BNIPL: variants seen among roughly 807,000 people sequenced by gnomAD.
The protein encoded by BNIPL is BCL2 interacting protein like.
In BNIPL, 33 loss-of-function variants were observed where a neutral mutation model predicts 47.0. That is an observed-to-expected ratio of 0.70 (90% CI 0.53 to 0.94). The LOEUF (loss-of-function observed/expected upper bound fraction) is 0.94, where lower values mean the gene tolerates loss of function less well. BNIPL is among the 40% of genes least tolerant of loss of function. BNIPL has a pLI of 0.00. For synonymous variants in BNIPL, 145 were observed against 162.7 expected, an observed-to-expected ratio of 0.89 and a Z score of 0.83; for missense variants, 404 against 445.2, an observed-to-expected ratio of 0.91 and a Z score of 0.83.
chr1:151,037,825 A>G (rs1295634956), intron 2 of BNIPL, among the ~76,000 whole-genome samples, 163 bp downstream of exon 2: 1 of 151,498 alleles, frequency 6.6e-6, no homozygotes, highest in African/African-American at 2.4e-5. Context: ...ACACGGTGAA[A>G]TCCCGTCTCT....
At chr1:151,045,771 T>C (rs1675998772) in intron 7 of BNIPL, 26 bp from the exon 8 acceptor site, 1 of 1,613,660 alleles carries the variant, frequency 6.2e-7, no homozygotes, top group Non-Finnish European at 8.5e-7. Context: ...GAAGAAGAAA[T>C]AGGATGATCT....
intron 4 of BNIPL, 102 bp from the exon 5 acceptor site, chr1:151,042,854 G>T: frequency 5.3e-6 from 5 of 942,962 alleles, no homozygotes; most frequent in South Asian, 4.0e-5. Context: ...AAAAAATTGA[G>T]TAATGACAGA....
At chr1:151,036,801 G>A (rs756735251) in intron 1 of BNIPL, 35 bp downstream of exon 1, 7 of 1,577,958 alleles carry the variant, frequency 4.4e-6, no homozygotes, top group Non-Finnish European at 6.1e-6. Flanking sequence ...ATTGGTAACA[G>A]TGAATAAACA....
At chr1:151,044,258 T>A (rs933176469) in intron 7 of BNIPL, among the ~76,000 whole-genome samples, 1 of 152,216 alleles carries the variant, frequency 6.6e-6, no homozygotes, top group Non-Finnish European at 1.5e-5. Context: ...ATGCTGAGAT[T>A]ATAGGCATGA....
At chr1:151,045,579 AT>A (rs1675989027) in intron 7 of BNIPL, 9 of 778,306 alleles carry the variant, frequency 1.2e-5, no homozygotes, top group South Asian at 6.9e-5. Context: ...AAAAAAAAAA[AT>A]CTTGAGAGTT....
At chr1:151,041,588 G>A (rs1477960001) in intron 4 of BNIPL, among the ~76,000 whole-genome samples, 1 of 152,098 alleles carries the variant, frequency 6.6e-6, no homozygotes, top group Non-Finnish European at 1.5e-5. Context: ...AGCAGAGTGA[G>A]TCCCTGTCTC....
At chr1:151,037,223 C>T (rs980183829) in intron 1 of BNIPL, 5 of 598,184 alleles carry the variant, frequency 8.4e-6, no homozygotes, top group East Asian at 8.2e-5. Flanking sequence ...AACTAGGTAC[C>T]GTCTTCCCGA....
chr1:151,045,617 C>G, intron 7 of BNIPL, 180 bp from the exon 8 acceptor site: 7 of 950,486 alleles, frequency 7.4e-6, no homozygotes, highest in Non-Finnish European at 8.6e-6. Flanking sequence ...TCATGGAGGG[C>G]TAAATAAGAT....
chr1:151,045,290 A>AAAAAAGAG (rs1675974989), intron 7 of BNIPL, among the ~76,000 whole-genome samples: 1 of 95,606 alleles, frequency 1.0e-5, no homozygotes, highest in Admixed American at 1.2e-4. Context: ...AAAAAAAAAA[A>AAAAAAGAG]TCCGGGCGCG....
Position 151,038,526 on chromosome 1 carries a change from A to C in BNIPL, c.160A>C (p.Thr54Pro), listed in dbSNP as rs772612660. 5.6e-6 allele frequency: 9 copies of C among 1,613,618 alleles called. No homozygotes were observed. In the East Asian group the frequency reaches 2.0e-4, roughly 36 times the overall value. The stretch of plus-strand genomic sequence containing the variant: ...TAGATTGCTTCCTGAGGAGGCTGGC[A>C]CTTCTGAAGATCCTGAAGACCCTAA... Reference protein sequence around the residue: ...FPRLLPEEAGTSEDPEDPKGD... With the variant: ...FPRLLPEEAGPSEDPEDPKGD... The change falls in exon 3 of 10, where the codon ACT becomes CCT. Residue 54 changes from threonine to proline, a missense_variant. By Grantham distance (38) the Thr-to-Pro change is conservative. Transcript: ENST00000368931.
chr1:151,039,166 G>C (rs921192183), intron 4 of BNIPL, 140 bp downstream of exon 4: 2 of 1,295,192 alleles, frequency 1.5e-6, no homozygotes, highest in East Asian at 5.6e-5. Flanking sequence ...TCCTCAAATG[G>C]AACTTGGGCT....
intron 7 of BNIPL, 193 bp from the exon 8 acceptor site, chr1:151,045,604 G>T: frequency 2.3e-6 from 2 of 870,546 alleles, no homozygotes; most frequent in Non-Finnish European, 3.2e-6. Flanking sequence ...TTAAAAATGA[G>T]GATCATGGAG....
chr1:151,042,241 T>TTTG (rs754164981), intron 4 of BNIPL, among the ~76,000 whole-genome samples: 3 of 151,788 alleles, frequency 2.0e-5, no homozygotes, highest in South Asian at 2.1e-4. Flanking sequence ...GTTCCATTTT[T>TTTG]TTGTTGTTGT....
rs1171706264 is a variant in BNIPL, at chr1:151,047,144, T to C, written c.*457T>C. Reference sequence around the variant, plus strand: ...CCAGCTAATTGTTTTGTATTTTTAGTAGAGACGGGGTTTCACCATGTTGGC... The same window carrying C: ...CCAGCTAATTGTTTTGTATTTTTAGCAGAGACGGGGTTTCACCATGTTGGC... On this transcript the variant is annotated 3_prime_UTR_variant, in exon 10 of 10. Coordinates refer to ENST00000368931, the MANE Select transcript of BNIPL (RefSeq NM_138278.4). 7 of 154,668 alleles carry C rather than the reference T, an allele frequency of 4.5e-5. No individual in the cohort carries two copies. The highest frequency in any genetic ancestry group is 1.9e-4 in the South Asian group (1 of 5,380). 9.6% of individuals were successfully genotyped at this position (154,668 alleles called of 1,614,324 possible).
At position 151,042,377 on chromosome 1, in the gene BNIPL, A is replaced by G. The variant is rs1294804927; in HGVS notation, c.434-579A>G. Among the ~76,000 whole-genome samples, 4 of 151,732 alleles carry G rather than the reference A, an allele frequency of 2.6e-5. No individual in the cohort carries two copies. The South Asian group carries it at 8.5e-4, about 32-fold the overall frequency. ...AGCAATCTTCCTGCCTTGGCCTCCC[A>G]AAGTGCTGGGATTACAGGCACGAGC... On this transcript the variant is annotated intron_variant, in intron 4 of 9. Coordinates refer to ENST00000368931, the MANE Select transcript of BNIPL (RefSeq NM_138278.4).
In BNIPL at chr1:151,036,759, G is replaced by C; in HGVS notation, c.34G>C (p.Asp12His). The C allele has an allele frequency of 1.2e-6, 2 of 1,610,912 alleles. No homozygotes were observed. Among genetic ancestry groups the C allele is most frequent in the Non-Finnish European group, 1.7e-6 (2 of 1,177,084 alleles). Residue 12 changes from aspartate to histidine, a missense_variant, in exon 1 of 10, where the codon GAT becomes CAT. Transcript: ENST00000368931. ...TATACAAGAGGCAGGAAAAAAGACA[G>C]ATGTTGGGTAAGTAAGATCTTGGCT... is the stretch of plus-strand genomic sequence containing the variant. ...GTIQEAGKKT[D>H]VGVREIAEAP...
At chr1:151,039,108 T>G in intron 4 of BNIPL, 82 bp downstream of exon 4, 1 of 1,395,400 alleles carries the variant, frequency 7.2e-7, no homozygotes, top group Non-Finnish European at 9.4e-7. Flanking sequence ...GGGACTGCAG[T>G]TAGAACTAAT....
intron 4 of BNIPL, among the ~76,000 whole-genome samples, chr1:151,039,464 T>C (rs1675745372): frequency 6.6e-6 from 1 of 152,176 alleles, no homozygotes; most frequent in African/African-American, 2.4e-5. Flanking sequence ...ATGAAGGAGA[T>C]GATTCTGAGC....
At chr1:151,046,240 G>A (rs1418976752) in intron 9 of BNIPL, 75 bp downstream of exon 9, 1 of 1,563,752 alleles carries the variant, frequency 6.4e-7, no homozygotes, top group Non-Finnish European at 8.6e-7. Context: ...AATGCCTTGG[G>A]GGACATACAA....
Sources: gnomAD v4.1 joint callset for allele counts (sites outside exome capture counted in the v4.1 genomes callset) on GRCh38, gnomAD v4.1.1 for gene constraint, MANE v1.5 for transcripts, NCBI Gene and HGNC (gene_info 2026-07-23, HGNC 2026-07-21) for gene names.